Variants in BNC2 observed in about 807,000 individuals in gnomAD.
The protein encoded by BNC2 is basonuclin zinc finger protein 2, also known as zinc finger protein basonuclin-2.
BNC2 carries 20 observed loss-of-function variants against 76.3 expected under a neutral mutation model. The observed-to-expected ratio is 0.26, with a 90% confidence interval of 0.18 to 0.38. The LOEUF is 0.38. Ranked by LOEUF, BNC2 falls within the 10% of genes least tolerant of loss-of-function variation. The pLI is 1.00. For missense variants in BNC2, 1,382 were observed against 1,399.8 expected (o/e 0.99, Z 0.20); for synonymous variants, 582 against 514.8 (o/e 1.13, Z -1.77).
At chr9:16,606,624 A>AAGGTT (rs1563860392) in intron 3 of BNC2, among the ~76,000 whole-genome samples, 69 of 150,952 alleles carry the variant, frequency 4.6e-4, no homozygotes, top group African/African-American at 1.6e-3. Context: ...CCTCCACCCC[A>AAGGTT]CAACGTTCAA....
At chr9:16,438,477 T>G (rs1821063668) in intron 5 of BNC2, among the ~76,000 whole-genome samples, 1 of 152,184 alleles carries the variant, frequency 6.6e-6, no homozygotes, top group Non-Finnish European at 1.5e-5. Context: ...TTTTTGCCAG[T>G]AACTATGAGA....
intron 3 of BNC2, among the ~76,000 whole-genome samples, chr9:16,595,757 AAGAC>A (rs1280241937): frequency 6.6e-6 from 1 of 152,130 alleles, no homozygotes; most frequent in Admixed American, 6.6e-5. Context: ...CATAAAGAGA[AAGAC>A]AGGAAAAAAC....
chr9:16,646,226 A>G (rs1821619194), intron 3 of BNC2, among the ~76,000 whole-genome samples: 1 of 152,238 alleles, frequency 6.6e-6, no homozygotes, highest in South Asian at 2.1e-4. Flanking sequence ...ATGGGCATTC[A>G]GCCCACAGCT....
At chr9:16,837,470 C>A (rs553580610) in intron 1 of BNC2, among the ~76,000 whole-genome samples, 14 of 152,300 alleles carry the variant, frequency 9.2e-5, no homozygotes, top group Non-Finnish European at 5.9e-5. Flanking sequence ...CGCCACTGCA[C>A]TCCAGCCTGG....
intron 5 of BNC2, among the ~76,000 whole-genome samples, chr9:16,492,098 A>G (rs1036297134): frequency 6.6e-6 from 1 of 152,320 alleles, no homozygotes; most frequent in Middle Eastern, 3.4e-3. Context: ...ATCAAAATTA[A>G]GTTGAATGCT....
intron 6 of BNC2, chr9:16,429,942 C>CA (rs1363991933): frequency 1.9e-6 from 1 of 515,322 alleles, no homozygotes; most frequent in African/African-American, 1.9e-5. Context: ...TTAGGCTTGA[C>CA]AGAGTCTCTC....
intron 1 of BNC2, among the ~76,000 whole-genome samples, chr9:16,791,804 T>C (rs918468117): frequency 6.6e-6 from 1 of 152,058 alleles, no homozygotes; most frequent in East Asian, 1.9e-4. Context: ...AAAAGTACTT[T>C]TAAAAATTCA....
rs544277557 is a variant in BNC2 at position 16,628,390 on chromosome 9, A to C, written c.331-45305T>G. 4.6e-4 allele frequency among the ~76,000 whole-genome samples: 70 copies of C among 152,288 alleles called. 1 individual carries two copies. Among genetic ancestry groups the C allele is most frequent in the African/African-American group, 1.6e-3 (67 of 41,562 alleles). On this transcript the variant is annotated intron_variant, in intron 3 of 6. Coordinates refer to ENST00000380672, the MANE Select transcript of BNC2 (RefSeq NM_017637.6). ...GAAAATCCACACATTCAAAAACCTT[A>C]AGTTTTCAGAAAATGTTGTCACTTT...
intron 1 of BNC2, among the ~76,000 whole-genome samples, chr9:16,804,928 G>A (rs1236473586): frequency 1.3e-5 from 2 of 152,078 alleles, no homozygotes; most frequent in Non-Finnish European, 2.9e-5. Context: ...CGGGTGTGGT[G>A]GCATGCGCCT....
intron 3 of BNC2, among the ~76,000 whole-genome samples, chr9:16,688,088 G>A (rs1587316989): frequency 6.6e-6 from 1 of 152,190 alleles, no homozygotes; most frequent in Non-Finnish European, 1.5e-5. Flanking sequence ...AAAAATGAGG[G>A]ATAAGAGATT....
chr9:16,419,197 C>G lies in BNC2; in HGVS notation c.3092G>C (p.Ser1031Thr). The G allele has an allele frequency of 6.2e-7, 1 of 1,614,228 alleles. No homozygotes were observed. The highest frequency in any genetic ancestry group is 2.2e-5 in the East Asian group (1 of 44,860). The change falls in exon 7 of 7, where the codon AGC (serine) becomes ACC (threonine). Residue 1031 changes from serine (S) to threonine (T), a missense_variant. This residue lies in a region of BNC2 where 798 missense variants were observed against 775.5 expected (regional missense o/e 1.03). Transcript: ENST00000380672. The part of the protein sequence containing the change: ...GSLMFSSLSG[S>T]NGGIMCNICH... The stretch of plus-strand genomic sequence containing the variant: ...AATGTTGCACATGATCCCACCATTG[C>G]TCCCAGACAAGCTGCTGAACATAAG...
At chr9:16,479,803 T>C (rs1050178783) in intron 5 of BNC2, among the ~76,000 whole-genome samples, 10 of 152,198 alleles carry the variant, frequency 6.6e-5, no homozygotes, top group African/African-American at 1.2e-4. Context: ...GTAAAATATT[T>C]GTTAGATTAT....
In BNC2 at chr9:16,786,717, G is replaced by A. The variant is rs377098815; in HGVS notation, c.4-48232C>T. On this transcript the variant is annotated intron_variant, in intron 1 of 6. Transcript: ENST00000380672. Reference sequence around the variant, plus strand: ...AGAGGCCCTGCCCCAAATGTGGGGGGCAGAGTCCTGCTGGGAACCCACAGG... The same window carrying A: ...AGAGGCCCTGCCCCAAATGTGGGGGACAGAGTCCTGCTGGGAACCCACAGG... Among the ~76,000 whole-genome samples, 32 of 152,236 alleles carry A rather than the reference G, an allele frequency of 2.1e-4. No homozygotes were observed. The East Asian group carries it at 3.5e-3, about 17-fold the overall frequency.
At chr9:16,731,590 C>T (rs1050627939) in intron 2 of BNC2, among the ~76,000 whole-genome samples, 1 of 152,144 alleles carries the variant, frequency 6.6e-6, no homozygotes, top group Non-Finnish European at 1.5e-5. Context: ...GATGTTTTAA[C>T]GTTTAAAATC....
chr9:16,584,169 C>T (rs1005911767), intron 3 of BNC2, among the ~76,000 whole-genome samples: 2 of 151,614 alleles, frequency 1.3e-5, no homozygotes, highest in African/African-American at 2.4e-5. Flanking sequence ...GATTTAGATG[C>T]AATCAATGAT....
intron 3 of BNC2, among the ~76,000 whole-genome samples, chr9:16,585,097 A>C (rs1016033808): frequency 2.6e-5 from 4 of 152,122 alleles, no homozygotes; most frequent in Admixed American, 1.3e-4. Context: ...GATAATATTT[A>C]ATTATTTTAT....
intron 1 of BNC2, among the ~76,000 whole-genome samples, chr9:16,831,152 G>A (rs940958772): frequency 1.3e-5 from 2 of 152,192 alleles, no homozygotes; most frequent in Admixed American, 6.5e-5. Context: ...CTGTGTATTT[G>A]CAATTATTTG....
chr9:16,521,806 A>T lies in BNC2; in HGVS notation c.669+30724T>A, dbSNP rs146416656. Reference sequence around the variant, plus strand: ...CTTAAATGGAGCAGAGGGGGGTGTAACATTTTTTAAGCCACAGCAAGAAAT... The same window carrying T: ...CTTAAATGGAGCAGAGGGGGGTGTATCATTTTTTAAGCCACAGCAAGAAAT... On this transcript the variant is annotated intron_variant, in intron 5 of 6. Coordinates refer to ENST00000380672, the MANE Select transcript of BNC2 (RefSeq NM_017637.6). Among the ~76,000 whole-genome samples, 4 of 152,288 alleles carry T rather than the reference A, an allele frequency of 2.6e-5. No individual in the cohort carries two copies. In the East Asian group the frequency reaches 7.7e-4, roughly 29 times the overall value.
At chr9:16,763,586 A>C (rs1388949758) in intron 1 of BNC2, among the ~76,000 whole-genome samples, 2 of 151,994 alleles carry the variant, frequency 1.3e-5, no homozygotes, top group East Asian at 1.9e-4. Context: ...ACAAAAAAAA[A>C]CCATCATCAC....
Sources: gnomAD v4.1 joint callset for allele counts (sites outside exome capture counted in the v4.1 genomes callset) on GRCh38, gnomAD v4.1.1 for gene constraint, gnomAD v4.1.1 regional missense constraint, MANE v1.5 for transcripts, NCBI Gene and HGNC (gene_info 2026-07-23, HGNC 2026-07-21) for gene names.